Variants in CAMK1D observed in about 807,000 individuals in gnomAD.
CAMK1D encodes calcium/calmodulin-dependent protein kinase type 1D.
Under a neutral mutation model 47.7 loss-of-function variants are expected in CAMK1D, and 9 were observed. That is an observed-to-expected ratio of 0.19 (90% CI 0.11 to 0.33). The LOEUF (loss-of-function observed/expected upper bound fraction) is 0.33, where lower values mean the gene tolerates loss of function less well. CAMK1D is among the 10% of genes least tolerant of loss of function. The probability of loss-of-function intolerance (pLI) is 1.00; values close to 1 mark genes in which losing one functional copy is unlikely to be tolerated. For missense variants in CAMK1D, 291 were observed against 488.7 expected, an observed-to-expected ratio of 0.60 and a Z score of 3.81; for synonymous variants, 184 against 184.9, an observed-to-expected ratio of 0.99 and a Z score of 0.04.
intron 8 of CAMK1D, among the ~76,000 whole-genome samples, chr10:12,821,141 C>T (rs998330233): frequency 2.6e-5 from 4 of 152,116 alleles, no homozygotes; most frequent in Middle Eastern, 3.2e-3. Context: ...AGCTCGAGTC[C>T]GAAGGCAGAC....
chr10:12,762,813 C>T (rs1036597355), intron 4 of CAMK1D, among the ~76,000 whole-genome samples: 12 of 152,140 alleles, frequency 7.9e-5, no homozygotes, highest in Admixed American at 2.6e-4. Context: ...CTAGCTCAGC[C>T]GACCTGGCAC....
chr10:12,741,234 C>T (rs948164541), intron 3 of CAMK1D, among the ~76,000 whole-genome samples: 4 of 152,188 alleles, frequency 2.6e-5, no homozygotes, highest in Admixed American at 2.0e-4. Context: ...TCTCTGAGAG[C>T]CTGAGTACTC....
At chr10:12,490,341 C>T (rs1425394474) in intron 1 of CAMK1D, among the ~76,000 whole-genome samples, 1 of 152,116 alleles carries the variant, frequency 6.6e-6, no homozygotes, top group Non-Finnish European at 1.5e-5. Flanking sequence ...TATTCTGCTG[C>T]CCAGGGATGT....
intron 1 of CAMK1D, among the ~76,000 whole-genome samples, chr10:12,473,113 C>T (rs949611011): frequency 2.6e-5 from 4 of 151,988 alleles, no homozygotes; most frequent in African/African-American, 4.8e-5. Context: ...GGAGAGGGTG[C>T]GCCAGGTGGA....
chr10:12,558,671 T>C (rs1836841418), intron 2 of CAMK1D, among the ~76,000 whole-genome samples: 1 of 151,870 alleles, frequency 6.6e-6, no homozygotes, highest in South Asian at 2.1e-4. Flanking sequence ...GGGGGATGCA[T>C]AGATTGGAAA....
At chr10:12,623,211 TCCTCCCTCCCTCCCTCCCTCCCTTCCTC>T (rs1385688007) in intron 2 of CAMK1D, among the ~76,000 whole-genome samples, 1 of 618 alleles carries the variant, frequency 1.6e-3, no homozygotes, top group Non-Finnish European at 3.6e-3. Flanking sequence ...CTCCTTTCTT[TCCTCCCTCCCTCCCTCCCTCCCTTCCTC>T]CCTTCCTTCC....
In CAMK1D at chr10:12,828,661, C is replaced by CCT. The variant is rs1833345899; in HGVS notation, c.1040-107_1040-106insTC. The CCT allele has an allele frequency of 7.9e-6, 5 of 629,414 alleles. 1 individual carries two copies. Among genetic ancestry groups the CCT allele is most frequent in the South Asian group, 1.6e-5 (1 of 62,866 alleles). The allele number at this position is 629,414 out of a possible 1,614,324, so 39.0% of individuals were successfully genotyped here. Reference sequence around the variant, plus strand: ...ATCTCAAGAAAAAAAAAAAATTGGGCCCCCCCGCCCCCCACCATAAACCCA... The same window carrying CCT: ...ATCTCAAGAAAAAAAAAAAATTGGGCCTCCCCCCGCCCCCCACCATAAACCCA... On this transcript the variant is annotated intron_variant, in intron 10 of 10. Coordinates refer to ENST00000619168, the MANE Select transcript of CAMK1D (RefSeq NM_153498.4).
chr10:12,591,307 G>A (rs1165316307), intron 2 of CAMK1D, among the ~76,000 whole-genome samples: 1 of 152,114 alleles, frequency 6.6e-6, no homozygotes, highest in African/African-American at 2.4e-5. Context: ...TCAATTACTG[G>A]CAGCTGCCCT....
intron 3 of CAMK1D, among the ~76,000 whole-genome samples, chr10:12,727,383 A>G (rs1283446413): frequency 6.6e-6 from 1 of 152,226 alleles, no homozygotes; most frequent in African/African-American, 2.4e-5. Context: ...ATTTCTCACT[A>G]GCTTCCTTCA....
At chr10:12,558,487 G>A (rs1836834749) in intron 2 of CAMK1D, among the ~76,000 whole-genome samples, 1 of 151,950 alleles carries the variant, frequency 6.6e-6, no homozygotes, top group Non-Finnish European at 1.5e-5. Flanking sequence ...CCAGGAGGTG[G>A]AGGTTACAGT....
intron 2 of CAMK1D, among the ~76,000 whole-genome samples, chr10:12,631,742 C>G (rs1329295210): frequency 2.6e-5 from 4 of 151,610 alleles, no homozygotes; most frequent in Non-Finnish European, 4.4e-5. Context: ...TTTGAAAAGC[C>G]AAGACATGGT....
chr10:12,512,095 A>G (rs76183986), intron 1 of CAMK1D, among the ~76,000 whole-genome samples: 1,968 of 152,344 alleles, frequency 0.013, 38 homozygotes, highest in East Asian at 0.072. Flanking sequence ...ACTGGGCATT[A>G]TGCTAAAGGG....
chr10:12,463,376 G>A (rs2132058698), intron 1 of CAMK1D, among the ~76,000 whole-genome samples: 1 of 152,226 alleles, frequency 6.6e-6, no homozygotes, highest in Non-Finnish European at 1.5e-5. Flanking sequence ...GACCTCAAAT[G>A]ATTCACCCAC....
At position 12,477,751 on chromosome 10, in the gene CAMK1D, G is replaced by A. The variant is rs892433433; in HGVS notation, c.93-75474G>A. On this transcript the variant is annotated intron_variant, in intron 1 of 10. Coordinates refer to ENST00000619168, the MANE Select transcript of CAMK1D (RefSeq NM_153498.4). ...CAAGGGGGAAGAAGCTGAAGGCGGA[G>A]GGAGTGCTCACCTGTGCGATGCCAG... Among the ~76,000 whole-genome samples the A allele has an allele frequency of 8.1e-4, 123 of 152,266 alleles. 1 individual carries two copies. The highest frequency in any genetic ancestry group is 2.8e-3 in the African/African-American group (117 of 41,560).
At chr10:12,630,586 T>C (rs1839351868) in intron 2 of CAMK1D, among the ~76,000 whole-genome samples, 1 of 152,054 alleles carries the variant, frequency 6.6e-6, no homozygotes, top group Non-Finnish European at 1.5e-5. Flanking sequence ...TTTTATTTTA[T>C]TTTATTTTAT....
chr10:12,468,911 G>T (rs1833669367), intron 1 of CAMK1D, among the ~76,000 whole-genome samples: 1 of 152,170 alleles, frequency 6.6e-6, no homozygotes, highest in East Asian at 1.9e-4. Flanking sequence ...GTCTTGGAGG[G>T]CTGGGGGTGC....
At chr10:12,373,156 ATGCC>A (rs1172543216) in intron 1 of CAMK1D, among the ~76,000 whole-genome samples, 1 of 152,010 alleles carries the variant, frequency 6.6e-6, no homozygotes, top group African/African-American at 2.4e-5. Context: ...TACTGTGTCC[ATGCC>A]TAATTAACTG....
chr10:12,450,475 G>A (rs7901627), intron 1 of CAMK1D, among the ~76,000 whole-genome samples: 16,371 of 152,192 alleles, frequency 0.11, 1,078 homozygotes, highest in East Asian at 0.34. Flanking sequence ...AGACATAAAC[G>A]TGGCTCTCTA....
In CAMK1D at chr10:12,760,982, G is replaced by A. The variant is rs1435788333; in HGVS notation, c.334G>A (p.Glu112Lys). The A allele has an allele frequency of 1.2e-6, 2 of 1,614,158 alleles. No individual in the cohort carries two copies. The highest frequency in any genetic ancestry group is 2.2e-5 in the East Asian group (1 of 44,882). Reference sequence around the variant, plus strand: ...TGGAGAGCTGTTTGACCGGATAGTGGAGAAGGGGTTTTATACAGAGAAGGA... The same window carrying A: ...TGGAGAGCTGTTTGACCGGATAGTGAAGAAGGGGTTTTATACAGAGAAGGA... The part of the protein sequence containing the change: ...SGGELFDRIV[E>K]KGFYTEKDAS... Residue 112 changes from glutamate (E) to lysine (K), a missense_variant, in exon 4 of 11, where the codon GAG (glutamate) becomes AAG (lysine). Around this residue, in one of 2 missense-constraint regions of CAMK1D, gnomAD observed 219 missense variants for 424.3 expected, o/e 0.52. Coordinates refer to ENST00000619168, the MANE Select transcript of CAMK1D (RefSeq NM_153498.4).
Sources: gnomAD v4.1 joint callset for allele counts (sites outside exome capture counted in the v4.1 genomes callset) on GRCh38, gnomAD v4.1.1 for gene constraint, gnomAD v4.1.1 regional missense constraint, MANE v1.5 for transcripts, NCBI Gene and HGNC (gene_info 2026-07-23, HGNC 2026-07-21) for gene names.